Variants in CSMD1 observed in about 807,000 individuals in gnomAD.
CSMD1 encodes CUB and sushi domain-containing protein 1.
In CSMD1, 213 loss-of-function variants were observed where a neutral mutation model predicts 417.5. The observed-to-expected ratio is 0.51, with a 90% CI of 0.46 to 0.57. The LOEUF is 0.57. Ranked by LOEUF, CSMD1 falls within the 20% of genes least tolerant of loss-of-function variation. The pLI, the probability that CSMD1 is intolerant of heterozygous loss-of-function variation, is 0.00. For missense variants in CSMD1, 6,923 were observed against 4,529.7 expected, an observed-to-expected ratio of 1.53 and a Z score of -15.17; for synonymous variants, 2,862 against 1,736.8, an observed-to-expected ratio of 1.65 and a Z score of -16.11.
chr8:3,456,036 G>A (rs2100121), intron 12 of CSMD1, among the ~76,000 whole-genome samples: 72,063 of 151,948 alleles, frequency 0.47, 17,647 homozygotes, highest in Middle Eastern at 0.56. Flanking sequence ...CAGCCTCGCC[G>A]CCGCCTTGCT....
At chr8:3,664,250 T>A (rs897146779) in intron 7 of CSMD1, among the ~76,000 whole-genome samples, 1 of 152,162 alleles carries the variant, frequency 6.6e-6, no homozygotes, top group East Asian at 1.9e-4. Flanking sequence ...GTTCTCATTG[T>A]TCAATTCCCA....
intron 3 of CSMD1, among the ~76,000 whole-genome samples, chr8:4,040,247 C>G (rs977090656): frequency 4.6e-5 from 7 of 152,152 alleles, no homozygotes; most frequent in African/African-American, 1.7e-4. Flanking sequence ...TTATTTCTGC[C>G]TTATCATAAT....
chr8:4,590,304 G>C (rs1799921242), intron 2 of CSMD1, among the ~76,000 whole-genome samples: 1 of 152,138 alleles, frequency 6.6e-6, no homozygotes, highest in South Asian at 2.1e-4. Context: ...AGCAGACATG[G>C]ACTACTGGAT....
chr8:4,350,038 C>G (rs916533036), intron 3 of CSMD1, among the ~76,000 whole-genome samples: 1 of 152,094 alleles, frequency 6.6e-6, no homozygotes, highest in African/African-American at 2.4e-5. Flanking sequence ...ACTAAAGAGG[C>G]TTAGTTTTAG....
intron 7 of CSMD1, among the ~76,000 whole-genome samples, chr8:3,632,631 T>G (rs1029300287): frequency 1.3e-5 from 2 of 152,218 alleles, no homozygotes; most frequent in African/African-American, 4.8e-5. Flanking sequence ...CCTGAAAGAA[T>G]TCCTTTACAT....
At chr8:4,378,258 G>C (rs531012402) in intron 3 of CSMD1, among the ~76,000 whole-genome samples, 4 of 152,232 alleles carry the variant, frequency 2.6e-5, no homozygotes, top group South Asian at 2.1e-4. Context: ...ATTAACATTT[G>C]TCAATACATT....
At chr8:3,775,169 A>C (rs974687049) in intron 5 of CSMD1, among the ~76,000 whole-genome samples, 1 of 152,216 alleles carries the variant, frequency 6.6e-6, no homozygotes, top group Non-Finnish European at 1.5e-5. Context: ...GTATTTCTTT[A>C]TTTATACCAA....
At chr8:4,536,353 T>C (rs563342379) in intron 2 of CSMD1, among the ~76,000 whole-genome samples, 4 of 152,312 alleles carry the variant, frequency 2.6e-5, no homozygotes, top group Non-Finnish European at 5.9e-5. Flanking sequence ...GTGTAATATT[T>C]ATTTGCTTGT....
chr8:3,270,177 G>A (rs1801736951), intron 26 of CSMD1, among the ~76,000 whole-genome samples: 1 of 150,518 alleles, frequency 6.6e-6, no homozygotes, highest in Non-Finnish European at 1.5e-5. Context: ...AGACTCCCAA[G>A]TAGCTGGGAT....
chr8:4,493,588 T>A (rs1012064496), intron 2 of CSMD1, among the ~76,000 whole-genome samples: 1 of 152,118 alleles, frequency 6.6e-6, no homozygotes, highest in Non-Finnish European at 1.5e-5. Context: ...TAGTCCCGGC[T>A]ACTAGCTGAG....
intron 25 of CSMD1, among the ~76,000 whole-genome samples, chr8:3,295,624 G>C (rs1044393307): frequency 6.6e-6 from 1 of 152,182 alleles, no homozygotes; most frequent in Non-Finnish European, 1.5e-5. Flanking sequence ...TTCTAGGCCA[G>C]CATGATAAAG....
At chr8:4,038,407 T>C (rs1409142529) in intron 3 of CSMD1, among the ~76,000 whole-genome samples, 1 of 152,192 alleles carries the variant, frequency 6.6e-6, no homozygotes, top group Middle Eastern at 3.2e-3. Context: ...GCTAGGTCTA[T>C]GCAAAGATTC....
At chr8:3,924,058 G>C (rs946305069) in intron 5 of CSMD1, among the ~76,000 whole-genome samples, 1 of 152,154 alleles carries the variant, frequency 6.6e-6, no homozygotes, top group South Asian at 2.1e-4. Context: ...ACTCCCTTTA[G>C]CGTTTCTTGC....
At chr8:4,295,601 A>G (rs990249372) in intron 3 of CSMD1, among the ~76,000 whole-genome samples, 6 of 145,402 alleles carry the variant, frequency 4.1e-5, no homozygotes, top group African/African-American at 1.5e-4. Flanking sequence ...TTAAGATTAT[A>G]TATAATCCTA....
intron 3 of CSMD1, among the ~76,000 whole-genome samples, chr8:4,226,459 A>G (rs1200862167): frequency 6.6e-6 from 1 of 152,198 alleles, no homozygotes; most frequent in African/African-American, 2.4e-5. Context: ...CAAAGAATTA[A>G]AATACTTGCA....
At chr8:4,807,166 G>A (rs772585798) in intron 1 of CSMD1, among the ~76,000 whole-genome samples, 2 of 152,176 alleles carry the variant, frequency 1.3e-5, no homozygotes, top group Non-Finnish European at 2.9e-5. Flanking sequence ...TGTGATTAAA[G>A]TGGATGACAT....
At chr8:4,832,676 A>G (rs542074544) in intron 1 of CSMD1, among the ~76,000 whole-genome samples, 1 of 152,318 alleles carries the variant, frequency 6.6e-6, no homozygotes, top group African/African-American at 2.4e-5. Context: ...ATTTCTCACA[A>G]AGAAAACTCT....
intron 2 of CSMD1, among the ~76,000 whole-genome samples, chr8:4,555,811 C>T (rs1051365332): frequency 6.6e-6 from 1 of 151,986 alleles, no homozygotes; most frequent in Non-Finnish European, 1.5e-5. Flanking sequence ...AACCTATTAG[C>T]TTTTAATATA....
intron 1 of CSMD1, among the ~76,000 whole-genome samples, chr8:4,723,475 G>C (rs748312213): frequency 1.3e-5 from 2 of 152,134 alleles, no homozygotes; most frequent in Admixed American, 6.6e-5. Context: ...AGTCACTAAA[G>C]TGTGTTACCT....
Sources: gnomAD v4.1 joint callset for allele counts (sites outside exome capture counted in the v4.1 genomes callset) on GRCh38, gnomAD v4.1.1 for gene constraint, MANE v1.5 for transcripts, NCBI Gene and HGNC (gene_info 2026-07-23, HGNC 2026-07-21) for gene names.